The following IL2RB variants were observed in gnomAD, a reference collection of about 807,000 sequenced individuals.
IL2RB encodes interleukin 2 receptor subunit beta, also known as interleukin-2 receptor subunit beta.
A neutral mutation model predicts 44.2 loss-of-function variants in IL2RB; 17 were observed. The observed-to-expected ratio is 0.38, with a 90% CI of 0.26 to 0.58. IL2RB has a LOEUF of 0.58. IL2RB is among the 20% of genes least tolerant of loss of function. The probability of loss-of-function intolerance (pLI) is 0.63; values close to 1 mark genes in which losing one functional copy is unlikely to be tolerated. For synonymous variants in IL2RB, 286 were observed against 297.9 expected (o/e 0.96, Z 0.41); for missense variants, 624 against 685.5 (o/e 0.91, Z 1.00).
rs752614613 is a variant in IL2RB at position 37,128,884 on chromosome 22, G to T, written c.904-36C>A. On this transcript the variant is annotated intron_variant, in intron 9 of 9. Transcript: ENST00000216223. The surrounding 1 kb of genome is among the most constrained non-coding windows in gnomAD (Gnocchi z 4.5). ...AAAGGCCAGGGGTGGGTGAGTGGGG[G>T]CTTCCTTCACCCTCCACCCCTTCCT... is the stretch of plus-strand genomic sequence containing the variant. 6.4e-7 allele frequency: 1 copy of T among 1,561,842 alleles called. No homozygotes were observed. The highest frequency in any genetic ancestry group is 1.2e-5 in the South Asian group (1 of 82,450).
At chr22:37,157,944 C>T (rs1922735466) in intron 1 of IL2RB, among the ~76,000 whole-genome samples, 1 of 152,210 alleles carries the variant, frequency 6.6e-6, no homozygotes, top group East Asian at 1.9e-4. Context: ...ATTAAAAACA[C>T]CAGGATAGCA....
rs889792718 is a variant in IL2RB at position 37,137,841 on chromosome 22, C to T, written c.389-106G>A. ...GCACATGCTACCACCTCCCCTACCCCCCGACCCAAAGCCCCAGGACCCGCT... is the reference window on the plus strand; with the variant it reads ...GCACATGCTACCACCTCCCCTACCCTCCGACCCAAAGCCCCAGGACCCGCT... On this transcript the variant is annotated intron_variant, in intron 5 of 9. Transcript: ENST00000216223. 3.8e-5 allele frequency: 39 copies of T among 1,023,754 alleles called. No homozygotes were observed. The South Asian group carries it at 5.5e-4, about 14-fold the overall frequency. The allele number at this position is 1,023,754 out of a possible 1,614,324, so 63.4% of individuals were successfully genotyped here.
intron 1 of IL2RB, among the ~76,000 whole-genome samples, chr22:37,160,434 C>T (rs1386674627): frequency 6.6e-6 from 1 of 152,156 alleles, no homozygotes; most frequent in Non-Finnish European, 1.5e-5. Context: ...AACTGAGATG[C>T]CCATGGGGGC....
At chr22:37,174,602 C>T (rs1923392123) in intron 1 of IL2RB, among the ~76,000 whole-genome samples, 1 of 152,238 alleles carries the variant, frequency 6.6e-6, no homozygotes. Context: ...TGTCCCCACA[C>T]CTTAGATCAC....
intron 1 of IL2RB, among the ~76,000 whole-genome samples, chr22:37,155,633 G>A (rs534623998): frequency 1.6e-4 from 25 of 152,296 alleles, no homozygotes; most frequent in African/African-American, 5.3e-4. Context: ...TGTCCCAGAG[G>A]ACATCCGATT....
At chr22:37,174,559 C>T (rs955130908) in intron 1 of IL2RB, among the ~76,000 whole-genome samples, 2 of 152,158 alleles carry the variant, frequency 1.3e-5, no homozygotes, top group South Asian at 2.1e-4. Flanking sequence ...CAGAACAAAC[C>T]GGTTACGTCA....
chr22:37,144,055 G>A, intron 2 of IL2RB, 30 bp downstream of exon 2: 3 of 1,551,644 alleles, frequency 1.9e-6, no homozygotes, highest in South Asian at 1.2e-5. Context: ...CATAGGGAAA[G>A]CAGAGCTGTT....
chr22:37,172,839 TGGGGCTGA>T (rs556798798), intron 1 of IL2RB, among the ~76,000 whole-genome samples: 1 of 152,164 alleles, frequency 6.6e-6, no homozygotes, highest in African/African-American at 2.4e-5. Flanking sequence ...CCATTGGCTG[TGGGGCTGA>T]GGGCACAAGC....
At position 37,128,067 on chromosome 22, in the gene IL2RB, G is replaced by A. The variant is rs926562990; in HGVS notation, c.*29C>T. On this transcript the variant is annotated 3_prime_UTR_variant, in exon 10 of 10. Coordinates refer to ENST00000216223, the MANE Select transcript of IL2RB (RefSeq NM_000878.5). The surrounding 1 kb of genome is among the most constrained non-coding windows in gnomAD (Gnocchi z 4.5). The stretch of plus-strand genomic sequence containing the variant: ...TCTGAGGCTCGGCGCAGAGCAGGCA[G>A]CTGCCTGCCTCCCACCCTGGCCATC... The A allele has an allele frequency of 4.0e-5, 59 of 1,491,202 alleles. No homozygotes were observed. The highest frequency in any genetic ancestry group is 5.2e-5 in the Non-Finnish European group (58 of 1,125,664). The allele number at this position is 1,491,202 out of a possible 1,614,324, so 92.4% of individuals were successfully genotyped here. A position where few individuals can be genotyped will look rare whatever the true frequency, so the allele number is the denominator to read the frequency against.
At chr22:37,133,371 C>A (rs534984600) in intron 8 of IL2RB, among the ~76,000 whole-genome samples, 1 of 152,152 alleles carries the variant, frequency 6.6e-6, no homozygotes, top group South Asian at 2.1e-4. Flanking sequence ...CGAACACTGC[C>A]GAGAACCACT....
chr22:37,128,178 A>C lies in IL2RB; in HGVS notation c.1574T>G (p.Leu525Arg). The C allele has an allele frequency of 6.4e-7, 1 of 1,555,194 alleles. No individual in the cohort carries two copies. The highest frequency in any genetic ancestry group is 8.6e-7 in the Non-Finnish European group (1 of 1,156,434). ...RPPGQGEFRA[L>R]NARLPLNTDA... is the part of the protein sequence containing the mutation. ...AGTGTTCAGGGGCAGGCGAGCATTAAGGGCCCTGAACTCCCCCTGCCCAGG... is the reference window on the plus strand; with the variant it reads ...AGTGTTCAGGGGCAGGCGAGCATTACGGGCCCTGAACTCCCCCTGCCCAGG... The change falls in exon 10 of 10, where the codon CTT becomes CGT. Residue 525 changes from leucine to arginine, a missense_variant. Physicochemically the swap from Leu to Arg is moderately radical, Grantham distance 102 (BLOSUM62 -2). Around this residue, in one of 3 missense-constraint regions of IL2RB, gnomAD observed 291 missense variants for 275.5 expected, o/e 1.06. Transcript: ENST00000216223. This position sits in a 1 kb window ranked among gnomAD's most constrained non-coding sequence, Gnocchi z 4.5.
At chr22:37,147,386 C>T (rs1401293790) in intron 1 of IL2RB, among the ~76,000 whole-genome samples, 1 of 152,222 alleles carries the variant, frequency 6.6e-6, no homozygotes, top group East Asian at 1.9e-4. Context: ...TCCCCAGACG[C>T]ATCTTCCCAC....
intron 8 of IL2RB, 107 bp from the exon 9 acceptor site, chr22:37,132,575 T>G: frequency 1.4e-6 from 1 of 732,736 alleles, no homozygotes. Flanking sequence ...CGCACCACAT[T>G]TACTTATGTA....
chr22:37,174,142 A>C (rs1161262259), intron 1 of IL2RB, among the ~76,000 whole-genome samples: 4 of 152,194 alleles, frequency 2.6e-5, no homozygotes, highest in Non-Finnish European at 4.4e-5. Context: ...AGCTGTGGCC[A>C]ATGAGAAGCG....
chr22:37,128,868 G>T lies in IL2RB; in HGVS notation c.904-20C>A. 1 of 1,578,018 alleles carries T rather than the reference G, an allele frequency of 6.3e-7. No homozygotes were observed. The highest frequency in any genetic ancestry group is 8.6e-7 in the Non-Finnish European group (1 of 1,158,494). On this transcript the variant is annotated intron_variant, in intron 9 of 9. Transcript: ENST00000216223. The surrounding 1 kb of genome is among the most constrained non-coding windows in gnomAD (Gnocchi z 4.5). ...CCACTTCTGGTGGGAGAAAGGCCAG[G>T]GGTGGGTGAGTGGGGGCTTCCTTCA...
At chr22:37,159,800 G>C (rs764797625) in intron 1 of IL2RB, among the ~76,000 whole-genome samples, 5 of 152,192 alleles carry the variant, frequency 3.3e-5, no homozygotes, top group Non-Finnish European at 7.3e-5. Context: ...CAGTGACAAG[G>C]ATTCATGGAG....
chr22:37,143,918 T>TGTGTGTGTGC (rs1555897708), intron 2 of IL2RB, among the ~76,000 whole-genome samples, 167 bp downstream of exon 2: 8 of 108,458 alleles, frequency 7.4e-5, no homozygotes, highest in African/African-American at 3.6e-4. Flanking sequence ...TGTGTGTGTG[T>TGTGTGTGTGC]GCGCGCATTC....
chr22:37,157,505 A>G (rs1922721309), intron 1 of IL2RB, among the ~76,000 whole-genome samples: 1 of 152,200 alleles, frequency 6.6e-6, no homozygotes, highest in Non-Finnish European at 1.5e-5. Context: ...AAACCATGCC[A>G]TTCCTTACCA....
At chr22:37,162,571 C>T (rs2145737652) in intron 1 of IL2RB, among the ~76,000 whole-genome samples, 1 of 152,290 alleles carries the variant, frequency 6.6e-6, no homozygotes, top group Non-Finnish European at 1.5e-5. Flanking sequence ...CCAGCAGGGG[C>T]CCCCATGTTT....
Sources: gnomAD v4.1 joint callset for allele counts (sites outside exome capture counted in the v4.1 genomes callset) on GRCh38, gnomAD v4.1.1 for gene constraint, gnomAD v4.1.1 regional missense constraint, Gnocchi (gnomAD v3.1) non-coding constraint, MANE v1.5 for transcripts, NCBI Gene and HGNC (gene_info 2026-07-23, HGNC 2026-07-21) for gene names.